NDUFAF2: variants seen among roughly 807,000 people sequenced by gnomAD.
The protein encoded by NDUFAF2 is NADH:ubiquinone oxidoreductase complex assembly factor 2.
NDUFAF2 carries 13 observed loss-of-function variants against 22.8 expected under a neutral mutation model. The ratio of observed to expected loss-of-function variants is 0.57; its 90% confidence interval spans 0.37 to 0.91. NDUFAF2 has a LOEUF of 0.91. Among genes scored for constraint, NDUFAF2 ranks in the 40% least tolerant of loss-of-function variants. NDUFAF2 has a pLI of 0.01. For missense variants in NDUFAF2, 162 were observed against 195.2 expected (o/e 0.83, Z 1.01); for synonymous variants, 53 against 64.2 (o/e 0.83, Z 0.84).
rs559394288 is a variant in NDUFAF2 at position 60,964,570 on chromosome 5, C to A, written c.127+19188C>A. ...GGTTCAAGCGATTCTCCTGCTTCAG[C>A]CTCCTAAGTACCTGGGATTGCAGGC... On this transcript the variant is annotated intron_variant, in intron 1 of 3. Coordinates refer to ENST00000296597, the MANE Select transcript of NDUFAF2 (RefSeq NM_174889.5). Among the ~76,000 whole-genome samples the A allele has an allele frequency of 2.0e-5, 3 of 151,990 alleles. No homozygotes were observed. The South Asian group carries it at 6.2e-4, about 32-fold the overall frequency.
intron 1 of NDUFAF2, among the ~76,000 whole-genome samples, chr5:61,020,727 G>A (rs1186664669): frequency 6.6e-6 from 1 of 152,024 alleles, no homozygotes; most frequent in African/African-American, 2.4e-5. Flanking sequence ...TCTCAACTCT[G>A]TCGCCCAAGC....
intron 1 of NDUFAF2, among the ~76,000 whole-genome samples, chr5:60,954,876 A>G (rs984125550): frequency 1.3e-5 from 2 of 151,498 alleles, no homozygotes; most frequent in African/African-American, 4.9e-5. Context: ...GCTATTTTGT[A>G]TGTTTTCTTT....
At chr5:60,978,791 A>C (rs1338617216) in intron 1 of NDUFAF2, among the ~76,000 whole-genome samples, 1 of 152,128 alleles carries the variant, frequency 6.6e-6, no homozygotes, top group African/African-American at 2.4e-5. Context: ...GAGATGGTGG[A>C]CTTGCGGTGC....
chr5:60,949,000 T>G (rs1750504710), intron 1 of NDUFAF2, among the ~76,000 whole-genome samples: 1 of 152,164 alleles, frequency 6.6e-6, no homozygotes, highest in Non-Finnish European at 1.5e-5. Context: ...TGTGTTGTGG[T>G]ATCTCATTTT....
At chr5:61,049,742 T>C (rs532937578) in intron 1 of NDUFAF2, among the ~76,000 whole-genome samples, 29 of 152,202 alleles carry the variant, frequency 1.9e-4, no homozygotes, top group Middle Eastern at 3.4e-3. Context: ...TTCATCCATG[T>C]TATAGCATGT....
intron 1 of NDUFAF2, among the ~76,000 whole-genome samples, chr5:61,031,594 T>C (rs939877017): frequency 6.6e-6 from 1 of 151,438 alleles, no homozygotes; most frequent in African/African-American, 2.4e-5. Context: ...ATATATAAAA[T>C]GGTACCACAT....
At chr5:60,983,623 A>G (rs900157831) in intron 1 of NDUFAF2, among the ~76,000 whole-genome samples, 27 of 151,152 alleles carry the variant, frequency 1.8e-4, no homozygotes, top group African/African-American at 5.6e-4. Flanking sequence ...ACGTATGGCT[A>G]GCCAGTTTTC....
At chr5:61,077,824 G>C (rs566962396) in intron 2 of NDUFAF2, among the ~76,000 whole-genome samples, 1 of 152,186 alleles carries the variant, frequency 6.6e-6, no homozygotes, top group Non-Finnish European at 1.5e-5. Flanking sequence ...TATGCAGGTA[G>C]ATGGGTAGAT....
chr5:61,034,910 A>ATGTGTGTGTGTG (rs200108799), intron 1 of NDUFAF2, among the ~76,000 whole-genome samples: 4 of 89,408 alleles, frequency 4.5e-5, no homozygotes, highest in Non-Finnish European at 9.2e-5. Context: ...AGGCAAATAT[A>ATGTGTGTGTGTG]TATGTGTGTG....
chr5:60,973,356 T>C (rs1431379317), intron 1 of NDUFAF2, among the ~76,000 whole-genome samples: 2 of 152,170 alleles, frequency 1.3e-5, no homozygotes, highest in Non-Finnish European at 2.9e-5. Flanking sequence ...TGCTTGCTTG[T>C]TTGTTTGTTT....
chr5:61,121,562 T>G (rs1229223312), intron 3 of NDUFAF2, among the ~76,000 whole-genome samples: 1 of 152,194 alleles, frequency 6.6e-6, no homozygotes, highest in Non-Finnish European at 1.5e-5. Flanking sequence ...AATGTATTTC[T>G]TACTGTATAG....
chr5:61,106,712 C>G (rs1452856554), intron 3 of NDUFAF2, among the ~76,000 whole-genome samples: 4 of 150,924 alleles, frequency 2.7e-5, no homozygotes, highest in Non-Finnish European at 5.9e-5. Flanking sequence ...CCCTTCCCAG[C>G]CTCTGGTAAT....
At chr5:61,081,381 A>G (rs1377197044) in intron 2 of NDUFAF2, among the ~76,000 whole-genome samples, 1 of 152,224 alleles carries the variant, frequency 6.6e-6, no homozygotes, top group Non-Finnish European at 1.5e-5. Context: ...AAAGAATAAC[A>G]TAGTCATCTT....
Position 60,989,845 on chromosome 5 carries a change from A to G in NDUFAF2, c.127+44463A>G, listed in dbSNP as rs527380146. On this transcript the variant is annotated intron_variant, in intron 1 of 3. Transcript: ENST00000296597. ...AAAATAATCTGTACACCAAACCCCCATGAGCTGAGTTTACCTGTATTCCAA... is the reference window on the plus strand; with the variant it reads ...AAAATAATCTGTACACCAAACCCCCGTGAGCTGAGTTTACCTGTATTCCAA... Among the ~76,000 whole-genome samples, 58 of 152,296 alleles carry G rather than the reference A, an allele frequency of 3.8e-4. 1 individual carries two copies. The highest frequency in any genetic ancestry group is 1.3e-3 in the African/African-American group (56 of 41,564).
intron 1 of NDUFAF2, among the ~76,000 whole-genome samples, chr5:60,986,708 A>C (rs755405595): frequency 1.8e-4 from 27 of 152,102 alleles, no homozygotes; most frequent in Non-Finnish European, 3.7e-4. Context: ...AGGTGGGCAG[A>C]TCACAGGGTC....
rs1752564585 is a variant in NDUFAF2, at chr5:61,091,180, T to A, written c.218-7812T>A. ...CATGTGTGTTTATAATAGAATGATT[T>A]ATATTCCTCTAGGTTTATACCCAGT... On this transcript the variant is annotated intron_variant, in intron 2 of 3. Transcript: ENST00000296597. Among the ~76,000 whole-genome samples the A allele has an allele frequency of 2.6e-5, 4 of 152,220 alleles. No individual in the cohort carries two copies. The South Asian group carries it at 8.3e-4, about 32-fold the overall frequency.
At chr5:61,012,678 A>G (rs985288770) in intron 1 of NDUFAF2, among the ~76,000 whole-genome samples, 4 of 152,080 alleles carry the variant, frequency 2.6e-5, no homozygotes, top group Admixed American at 6.6e-5. Flanking sequence ...ATTGTAGAAT[A>G]CATTTGGATC....
chr5:61,136,207 G>C (rs1029905533), intron 3 of NDUFAF2, among the ~76,000 whole-genome samples: 5 of 151,308 alleles, frequency 3.3e-5, no homozygotes. Flanking sequence ...AGGGCTTTGA[G>C]TTTTTCTAAT....
At chr5:60,976,872 C>T (rs1020803241) in intron 1 of NDUFAF2, among the ~76,000 whole-genome samples, 1 of 152,086 alleles carries the variant, frequency 6.6e-6, no homozygotes, top group African/African-American at 2.4e-5. Context: ...GAGAAATGAG[C>T]AGTACATCAA....
Sources: gnomAD v4.1 joint callset for allele counts (sites outside exome capture counted in the v4.1 genomes callset) on GRCh38, gnomAD v4.1.1 for gene constraint, MANE v1.5 for transcripts, NCBI Gene and HGNC (gene_info 2026-07-23, HGNC 2026-07-21) for gene names.